The following DMRT2 variants were observed in gnomAD, a reference collection of about 807,000 sequenced individuals.
DMRT2 encodes doublesex- and mab-3-related transcription factor 2.
A neutral mutation model predicts 43.5 loss-of-function variants in DMRT2; 33 were observed. The observed-to-expected ratio is 0.76, with a 90% CI of 0.58 to 1.01. The LOEUF is 1.01. DMRT2 is among the 50% of genes least tolerant of loss of function. DMRT2 has a pLI of 0.00. For missense variants in DMRT2, 1,064 were observed against 748.0 expected (o/e 1.42, Z -4.93); for synonymous variants, 395 against 309.2 (o/e 1.28, Z -2.91).
Position 1,053,338 on chromosome 9 carries a change from T to C in DMRT2, c.526-384T>C, listed in dbSNP as rs188210477. Among the ~76,000 whole-genome samples the C allele has an allele frequency of 3.5e-3, 530 of 152,328 alleles. 5 individuals are homozygous for C. Among genetic ancestry groups the C allele is most frequent in the African/African-American group, 0.012 (511 of 41,570 alleles). The stretch of plus-strand genomic sequence containing the variant: ...CCTTGGGCACCTTCTATCCGACAGG[T>C]GGGCTCCCAGGACCCAGCCTGGCTG... On this transcript the variant is annotated intron_variant, in intron 2 of 3. Transcript: ENST00000358146.
chr9:1,055,974 C>A, intron 3 of DMRT2: 1 of 1,401,710 alleles, frequency 7.1e-7, no homozygotes, highest in East Asian at 2.6e-5. Flanking sequence ...TCCATAACAA[C>A]CACAACAAGC....
At chr9:1,055,696 C>T in intron 3 of DMRT2, 2 of 1,472,234 alleles carry the variant, frequency 1.4e-6, no homozygotes, top group Non-Finnish European at 1.8e-6. Flanking sequence ...TCTCCTTTAA[C>T]TTTCTTTCTT....
At chr9:1,055,867 GATAA>G (rs1039963337) in intron 3 of DMRT2, 77 of 1,516,912 alleles carry the variant, frequency 5.1e-5, no homozygotes, top group Non-Finnish European at 6.5e-5. Flanking sequence ...ATTGATACAA[GATAA>G]ATAGTCTTGT....
At position 1,053,762 on chromosome 9, in the gene DMRT2, G is replaced by T. The variant is rs200011939; in HGVS notation, c.566G>T (p.Arg189Leu). The part of the protein sequence containing the change: ...GLSGKQNNFE[R>L]KAVYQRQVRA... The stretch of plus-strand genomic sequence containing the variant: ...TCCGGGAAACAGAATAATTTCGAGC[G>T]CAAAGCTGTGTACCAGAGGCAAGTC... The change falls in exon 3 of 4, where the codon CGC becomes CTC. Residue 189 changes from arginine to leucine, a missense_variant. Physicochemically the swap from Arg to Leu is moderately radical, Grantham distance 102 (BLOSUM62 -2). Coordinates refer to ENST00000358146, the MANE Select transcript of DMRT2 (RefSeq NM_181872.6). 11 of 1,613,970 alleles carry T rather than the reference G, an allele frequency of 6.8e-6. No homozygotes were observed. In the East Asian group the frequency reaches 1.1e-4, roughly 16 times the overall value.
Position 1,051,717 on chromosome 9 carries a change from C to G in DMRT2, c.104C>G (p.Pro35Arg). Residue 35 changes from proline (P) to arginine (R), a missense_variant, in exon 2 of 4, where the codon CCC becomes CGC. By Grantham distance (103) the Pro-to-Arg change is moderately radical (BLOSUM62 -2). Transcript: ENST00000358146. This position sits in a 1 kb window ranked among gnomAD's most constrained non-coding sequence, Gnocchi z 5.9. The stretch of plus-strand genomic sequence containing the variant: ...TGCGGGGCGCCGCGGTCCACGCCCC[C>G]CGGGCCCAGCCCGCCGCCGGCGGAC... ...DVCGAPRSTP[P>R]GPSPPPADGD... is the part of the protein sequence containing the mutation. The G allele has an allele frequency of 1.3e-6, 2 of 1,540,882 alleles. No homozygotes were observed. The highest frequency in any genetic ancestry group is 1.4e-5 in the African/African-American group (1 of 71,110).
Position 1,052,001 on chromosome 9 carries a change from G to T in DMRT2, c.388G>T (p.Gly130Cys). The T allele has an allele frequency of 6.9e-7, 1 of 1,457,326 alleles. No individual in the cohort carries two copies. The highest frequency in any genetic ancestry group is 9.0e-7 in the Non-Finnish European group (1 of 1,110,758). 90.3% of individuals were successfully genotyped at this position (1,457,326 alleles called of 1,614,324 possible). A position where few individuals can be genotyped will look rare whatever the true frequency, so the allele number is the denominator to read the frequency against. The stretch of plus-strand genomic sequence containing the variant: ...CAAGTGCGCGCGCTGCCGCAACCAC[G>T]GCGTGGTGTCCTGCCTGAAGGGCCA... ...TPKCARCRNH[G>C]VVSCLKGHKR... The change falls in exon 2 of 4, where the codon GGC becomes TGC. Residue 130 changes from glycine to cysteine, a missense_variant. By Grantham distance (159) the Gly-to-Cys change is radical. Coordinates refer to ENST00000358146, the MANE Select transcript of DMRT2 (RefSeq NM_181872.6).
At chr9:1,052,227 C>T in intron 2 of DMRT2, 89 bp downstream of exon 2, 1 of 1,118,470 alleles carries the variant, frequency 8.9e-7, no homozygotes, top group Non-Finnish European at 1.2e-6. Context: ...ACCCCCCGCG[C>T]CCAGGGCCTT....
intron 2 of DMRT2, 73 bp from the exon 3 acceptor site, chr9:1,053,649 A>G: frequency 7.9e-7 from 1 of 1,260,468 alleles, no homozygotes; most frequent in Non-Finnish European, 1.1e-6. Context: ...AGATTTACGG[A>G]CATCCCGTCC....
At chr9:1,055,966 C>A in intron 3 of DMRT2, 2 of 1,395,948 alleles carry the variant, frequency 1.4e-6, no homozygotes, top group Admixed American at 3.4e-5. Flanking sequence ...CAAACAAATC[C>A]ATAACAACCA....
chr9:1,051,482 C>G lies in DMRT2; in HGVS notation c.-44-88C>G. On this transcript the variant is annotated intron_variant, in intron 1 of 3. Transcript: ENST00000358146. The surrounding 1 kb of genome is among the most constrained non-coding windows in gnomAD (Gnocchi z 5.9). ...ACAGGATGACTCAAGCGGCCGGAGG[C>G]GGGCAGACCAGGAGCTTTGGGCCGG... 1 of 1,380,874 alleles carries G rather than the reference C, an allele frequency of 7.2e-7. No homozygotes were observed. Among genetic ancestry groups the G allele is most frequent in the Non-Finnish European group, 9.3e-7 (1 of 1,070,440 alleles). The allele number at this position is 1,380,874 out of a possible 1,614,324, so 85.5% of individuals were successfully genotyped here. A position where few individuals can be genotyped will look rare whatever the true frequency, so the allele number is the denominator to read the frequency against.
chr9:1,055,304 G>A (rs1315112388), intron 3 of DMRT2, among the ~76,000 whole-genome samples: 2 of 152,176 alleles, frequency 1.3e-5, no homozygotes. Context: ...GTGCTTGGGG[G>A]TGATGAAATA....
chr9:1,052,222 C>G (rs1377010415), intron 2 of DMRT2, 84 bp downstream of exon 2: 5 of 1,168,350 alleles, frequency 4.3e-6, no homozygotes, highest in South Asian at 2.4e-5. Context: ...TCCACACCCC[C>G]CGCGCCCAGG....
Position 1,056,985 on chromosome 9 carries a change from T to G in DMRT2, c.1398T>G (p.Leu466=), listed in dbSNP as rs773423016. Residue 466 remains leucine, a synonymous_variant, in exon 4 of 4, where the codon CTT becomes CTG. Transcript: ENST00000358146. ...SKENTRHPLP[L]RHNPFHSLFQ... ...AAAACACCAGGCACCCTCTGCCACT[T>G]AGACATAATCCATTCCACTCATTAT... 3.1e-6 allele frequency: 5 copies of G among 1,614,076 alleles called. No individual in the cohort carries two copies. In the East Asian group the frequency reaches 8.9e-5, roughly 29 times the overall value.
Position 1,051,428 on chromosome 9 carries a change from G to T in DMRT2, c.-44-142G>T. On this transcript the variant is annotated intron_variant, in intron 1 of 3. Coordinates refer to ENST00000358146, the MANE Select transcript of DMRT2 (RefSeq NM_181872.6). This position sits in a 1 kb window ranked among gnomAD's most constrained non-coding sequence, Gnocchi z 5.9. Reference sequence around the variant, plus strand: ...CTGGAGATACAGGAAAGGCACGTGTGGCCTGGAAGTGAGGGACATGTAATG... The same window carrying T: ...CTGGAGATACAGGAAAGGCACGTGTTGCCTGGAAGTGAGGGACATGTAATG... 1 of 956,096 alleles carries T rather than the reference G, an allele frequency of 1.0e-6. No homozygotes were observed. Among genetic ancestry groups the T allele is most frequent in the South Asian group, 2.4e-5 (1 of 42,040 alleles). 59.2% of individuals were successfully genotyped at this position (956,096 alleles called of 1,614,324 possible).
chr9:1,057,157 G>T lies in DMRT2; in HGVS notation c.1570G>T (p.Asp524Tyr), dbSNP rs781594613. The change falls in exon 4 of 4, where the codon GAC becomes TAC. Residue 524 changes from aspartate to tyrosine, a missense_variant. Physicochemically the swap from Asp to Tyr is radical, Grantham distance 160. Coordinates refer to ENST00000358146, the MANE Select transcript of DMRT2 (RefSeq NM_181872.6). ...YTFTIDRCAK[D>Y]LFVAKQVGTK... ...ATTTACAATAGATAGATGTGCAAAA[G>T]ACCTTTTTGTAGCCAAACAAGTTGG... 5.6e-6 allele frequency: 9 copies of T among 1,613,976 alleles called. No homozygotes were observed. The highest frequency in any genetic ancestry group is 7.6e-6 in the Non-Finnish European group (9 of 1,180,020).
At chr9:1,052,323 A>G (rs1302740244) in intron 2 of DMRT2, among the ~76,000 whole-genome samples, 185 bp downstream of exon 2, 1 of 152,146 alleles carries the variant, frequency 6.6e-6, no homozygotes, top group Non-Finnish European at 1.5e-5. Context: ...AAAAGCAGGC[A>G]TCTCTGGGGA....
chr9:1,053,593 C>A, intron 2 of DMRT2, 129 bp from the exon 3 acceptor site: 1 of 831,368 alleles, frequency 1.2e-6, no homozygotes, highest in Non-Finnish European at 1.9e-6. Context: ...ATTTTTCACA[C>A]GGAATGGGAA....
chr9:1,055,035 A>T (rs1821874468), intron 3 of DMRT2, among the ~76,000 whole-genome samples: 1 of 152,214 alleles, frequency 6.6e-6, no homozygotes, highest in African/African-American at 2.4e-5. Flanking sequence ...TTAAAAATGA[A>T]TTTGGTTACA....
At position 1,056,973 on chromosome 9, in the gene DMRT2, C is replaced by G. The variant is rs150135765; in HGVS notation, c.1386C>G (p.His462Gln). 1 of 1,614,206 alleles carries G rather than the reference C, an allele frequency of 6.2e-7. No homozygotes were observed. The highest frequency in any genetic ancestry group is 1.7e-5 in the Admixed American group (1 of 60,026). ...AGATCAGCAAAGAAAACACCAGGCA[C>G]CCTCTGCCACTTAGACATAATCCAT... Reference protein sequence around the residue: ...LTKISKENTRHPLPLRHNPFH... With the variant: ...LTKISKENTRQPLPLRHNPFH... The change falls in exon 4 of 4, where the codon CAC becomes CAG. Residue 462 changes from histidine (H) to glutamine (Q), a missense_variant. Coordinates refer to ENST00000358146, the MANE Select transcript of DMRT2 (RefSeq NM_181872.6).
Sources: allele counts gnomAD v4.1 joint callset (sites outside exome capture counted in the v4.1 genomes callset), GRCh38; gene constraint gnomAD v4.1.1; non-coding constraint Gnocchi (gnomAD v3.1); transcripts MANE v1.5; gene names NCBI Gene and HGNC (gene_info 2026-07-23, HGNC 2026-07-21).